Variants in KCNT2 observed in about 807,000 individuals in gnomAD.
KCNT2 encodes the protein potassium channel subfamily T member 2.
Under a neutral mutation model 153.8 loss-of-function variants are expected in KCNT2, and 67 were observed. The observed-to-expected ratio is 0.44, with a 90% CI of 0.36 to 0.53. The LOEUF is 0.53. Among genes scored for constraint, KCNT2 ranks in the 20% least tolerant of loss-of-function variants. KCNT2 has a pLI of 0.00. For synonymous variants in KCNT2, 500 were observed against 458.8 expected (o/e 1.09, Z -1.15); for missense variants, 975 against 1,354.8 (o/e 0.72, Z 4.40).
chr1:196,410,912 C>T (rs1672244301), intron 12 of KCNT2, among the ~76,000 whole-genome samples: 1 of 150,974 alleles, frequency 6.6e-6, no homozygotes, highest in Non-Finnish European at 1.5e-5. Flanking sequence ...TCTTTTCCTT[C>T]CTTTCCTTCT....
At chr1:196,510,773 C>A (rs1441757592) in intron 1 of KCNT2, among the ~76,000 whole-genome samples, 2 of 152,186 alleles carry the variant, frequency 1.3e-5, no homozygotes, top group African/African-American at 4.8e-5. Flanking sequence ...CTGCAAATAG[C>A]CACCTTGTGT....
At chr1:196,557,342 C>A (rs1237316061) in intron 1 of KCNT2, among the ~76,000 whole-genome samples, 2 of 151,142 alleles carry the variant, frequency 1.3e-5, no homozygotes, top group African/African-American at 2.4e-5. Context: ...AGGGATGGTA[C>A]AAAATTCAAC....
In KCNT2 at chr1:196,312,969, G is replaced by A. The variant is rs564123045; in HGVS notation, c.2483+2923C>T. ...CTGCCTCTAAGGAATTTCATGCAAG[G>A]TGGTGGGTAGAGAACCTAAAAGGAG... On this transcript the variant is annotated intron_variant, in intron 21 of 27. Coordinates refer to ENST00000294725, the MANE Select transcript of KCNT2 (RefSeq NM_198503.5). 2.4e-4 allele frequency among the ~76,000 whole-genome samples: 37 copies of A among 151,756 alleles called. 1 individual carries two copies. The South Asian group carries it at 7.3e-3, about 30-fold the overall frequency.
At chr1:196,283,324 C>A (rs914086172) in intron 23 of KCNT2, among the ~76,000 whole-genome samples, 14 of 151,952 alleles carry the variant, frequency 9.2e-5, no homozygotes, top group Admixed American at 3.3e-4. Context: ...ACCTGTAGTC[C>A]CAGCTACTTG....
intron 8 of KCNT2, among the ~76,000 whole-genome samples, chr1:196,439,820 CTTG>C (rs1361262490): frequency 6.6e-6 from 1 of 151,792 alleles, no homozygotes; most frequent in African/African-American, 2.4e-5. Context: ...GTAATATGGA[CTTG>C]TTATTAAAAG....
intron 14 of KCNT2, among the ~76,000 whole-genome samples, chr1:196,370,896 C>T (rs554428508): frequency 2.0e-5 from 3 of 152,140 alleles, no homozygotes; most frequent in East Asian, 1.9e-4. Flanking sequence ...GTGCATATTA[C>T]AATATGAATG....
At chr1:196,483,359 T>G (rs1679165606) in intron 3 of KCNT2, among the ~76,000 whole-genome samples, 1 of 152,168 alleles carries the variant, frequency 6.6e-6, no homozygotes, top group Admixed American at 6.6e-5. Context: ...TTTTTCACAA[T>G]TGGATGCTTG....
intron 5 of KCNT2, among the ~76,000 whole-genome samples, chr1:196,475,194 A>C (rs754844611): frequency 6.6e-6 from 1 of 152,238 alleles, no homozygotes; most frequent in Non-Finnish European, 1.5e-5. Flanking sequence ...AGAAAGTTAT[A>C]TATGGATTTG....
chr1:196,446,926 A>G (rs112343716), intron 8 of KCNT2, among the ~76,000 whole-genome samples: 8,713 of 151,604 alleles, frequency 0.057, 387 homozygotes, highest in Non-Finnish European at 0.085. Context: ...GTCTTTACCC[A>G]TTAGAAATGT....
At chr1:196,488,450 T>A (rs995759638) in intron 3 of KCNT2, among the ~76,000 whole-genome samples, 2 of 151,662 alleles carry the variant, frequency 1.3e-5, no homozygotes, top group African/African-American at 4.9e-5. Flanking sequence ...TGATATTACA[T>A]AGAAGTTAAT....
At chr1:196,268,926 C>A (rs996013054) in intron 25 of KCNT2, among the ~76,000 whole-genome samples, 1 of 152,010 alleles carries the variant, frequency 6.6e-6, no homozygotes. Flanking sequence ...GGTAAAAATT[C>A]TCCTCAGAAC....
intron 25 of KCNT2, among the ~76,000 whole-genome samples, chr1:196,275,747 T>C (rs1227560366): frequency 6.6e-6 from 1 of 151,980 alleles, no homozygotes; most frequent in Non-Finnish European, 1.5e-5. Context: ...CTAAAGTCTT[T>C]ATATTAGTTT....
chr1:196,296,733 T>C (rs1008956920), intron 22 of KCNT2, among the ~76,000 whole-genome samples: 6 of 152,100 alleles, frequency 3.9e-5, no homozygotes, highest in Non-Finnish European at 8.8e-5. Context: ...TTTAATGTTT[T>C]GAAATGTTTT....
intron 25 of KCNT2, among the ~76,000 whole-genome samples, chr1:196,261,021 GTGTGTGTGTGTT>G (rs1656971837): frequency 6.6e-6 from 1 of 151,588 alleles, no homozygotes; most frequent in Non-Finnish European, 1.5e-5. Flanking sequence ...GATATTGAAT[GTGTGTGTGTGTT>G]TGTGTGTGTG....
intron 20 of KCNT2, among the ~76,000 whole-genome samples, chr1:196,317,624 G>T (rs1319675675): frequency 6.6e-6 from 1 of 151,530 alleles, no homozygotes; most frequent in South Asian, 2.1e-4. Context: ...TATAGGAAAA[G>T]GAAAGGATAG....
At chr1:196,465,669 A>G (rs2148661443) in intron 7 of KCNT2, among the ~76,000 whole-genome samples, 1 of 152,014 alleles carries the variant, frequency 6.6e-6, no homozygotes, top group Admixed American at 6.6e-5. Flanking sequence ...CAGGTGTTGC[A>G]CTTACTCCCC....
chr1:196,251,796 A>C (rs1299347144), intron 26 of KCNT2, among the ~76,000 whole-genome samples: 1 of 152,136 alleles, frequency 6.6e-6, no homozygotes, highest in East Asian at 1.9e-4. Flanking sequence ...GCTTGAGATT[A>C]TAGAAACCTT....
At chr1:196,543,754 T>C (rs954269344) in intron 1 of KCNT2, among the ~76,000 whole-genome samples, 1 of 152,154 alleles carries the variant, frequency 6.6e-6, no homozygotes, top group Admixed American at 6.6e-5. Flanking sequence ...CTATATGCTG[T>C]GAGGATATAG....
chr1:196,552,480 G>A (rs1162097068), intron 1 of KCNT2, among the ~76,000 whole-genome samples: 1 of 151,346 alleles, frequency 6.6e-6, no homozygotes, highest in African/African-American at 2.4e-5. Flanking sequence ...AAAGCTGAGG[G>A]ATTTCATTAA....
Sources: gnomAD v4.1 joint callset for allele counts (sites outside exome capture counted in the v4.1 genomes callset) on GRCh38, gnomAD v4.1.1 for gene constraint, MANE v1.5 for transcripts, NCBI Gene and HGNC (gene_info 2026-07-23, HGNC 2026-07-21) for gene names.